The following UBE2W variants were observed in gnomAD, a reference collection of about 807,000 sequenced individuals.
UBE2W encodes ubiquitin conjugating enzyme E2 W.
A neutral mutation model predicts 27.2 loss-of-function variants in UBE2W; 18 were observed. The observed-to-expected ratio is 0.66, with a 90% CI of 0.46 to 0.98. UBE2W has a LOEUF of 0.98. UBE2W is among the 50% of genes least tolerant of loss of function. The pLI is 0.00. For missense variants in UBE2W, 90 were observed against 180.2 expected (o/e 0.50, Z 2.87); for synonymous variants, 53 against 57.2 (o/e 0.93, Z 0.33).
At chr8:73,805,137 A>G (rs1328302909) in intron 5 of UBE2W, among the ~76,000 whole-genome samples, 15 of 151,840 alleles carry the variant, frequency 9.9e-5, no homozygotes, top group Admixed American at 9.9e-4. Flanking sequence ...TATGATGGCT[A>G]TGATTTTGTT....
intron 1 of UBE2W, among the ~76,000 whole-genome samples, chr8:73,843,548 A>G (rs755039879): frequency 1.1e-4 from 16 of 152,074 alleles, no homozygotes; most frequent in Non-Finnish European, 2.1e-4. Flanking sequence ...AGGGGGAAAG[A>G]TTTCTTGAGC....
At chr8:73,818,636 T>C (rs1226250658) in intron 3 of UBE2W, among the ~76,000 whole-genome samples, 1 of 152,202 alleles carries the variant, frequency 6.6e-6, no homozygotes, top group Non-Finnish European at 1.5e-5. Context: ...CATGTTGAAA[T>C]GTAACCCCCA....
At chr8:73,872,978 T>G (rs954682420) in intron 1 of UBE2W, among the ~76,000 whole-genome samples, 1 of 151,462 alleles carries the variant, frequency 6.6e-6, no homozygotes, top group African/African-American at 2.4e-5. Context: ...CTCCGCTCAC[T>G]GCAAGGCGCC....
chr8:73,834,974 C>T (rs780600098), intron 1 of UBE2W, among the ~76,000 whole-genome samples: 18 of 152,078 alleles, frequency 1.2e-4, no homozygotes, highest in Non-Finnish European at 2.1e-4. Context: ...GATAATAGAA[C>T]CCTTTGTAGA....
At chr8:73,869,526 A>G (rs928319179) in intron 1 of UBE2W, among the ~76,000 whole-genome samples, 3 of 152,218 alleles carry the variant, frequency 2.0e-5, no homozygotes, top group Non-Finnish European at 4.4e-5. Flanking sequence ...CCCCGTCTCT[A>G]CTAAAAATAC....
downstream of UBE2W, among the ~76,000 whole-genome samples, chr8:73,783,975 T>C (rs966613800): frequency 1.1e-4 from 16 of 152,036 alleles, no homozygotes; most frequent in African/African-American, 3.6e-4. Context: ...GATCTCAAAC[T>C]CCACACCTCA....
chr8:73,842,528 CAA>C (rs759063478), intron 1 of UBE2W, among the ~76,000 whole-genome samples: 9 of 9,666 alleles, frequency 9.3e-4, no homozygotes, highest in South Asian at 0.011. Context: ...GACTCCGTCT[CAA>C]AAAAAAAAAA....
intron 1 of UBE2W, among the ~76,000 whole-genome samples, chr8:73,852,826 C>T (rs1811132491): frequency 6.6e-6 from 1 of 152,178 alleles, no homozygotes; most frequent in African/African-American, 2.4e-5. Context: ...AATTGAACTA[C>T]AAATCTCACG....
At chr8:73,781,929 C>CTTTTT (rs71269945), downstream of UBE2W, among the ~76,000 whole-genome samples, 13 of 96,012 alleles carry the variant, frequency 1.4e-4, no homozygotes, top group African/African-American at 5.0e-4. Context: ...TAAAAGCCTC[C>CTTTTT]TTTTTTTTTT....
intron 3 of UBE2W, among the ~76,000 whole-genome samples, chr8:73,811,697 A>T (rs1809160872): frequency 6.6e-6 from 1 of 152,160 alleles, no homozygotes; most frequent in Admixed American, 6.5e-5. Flanking sequence ...ATAAACCAAC[A>T]ATTCCTAAAT....
Position 73,874,086 on chromosome 8 carries a change from T to A in UBE2W, c.15+4722A>T, listed in dbSNP as rs142949736. On this transcript the variant is annotated intron_variant, in intron 1 of 5. Transcript: ENST00000602593. ...AAAATCAGAAATTATATCCAGGAGG[T>A]CAAGTACTTCATAACATTAAATAAT... is the stretch of plus-strand genomic sequence containing the variant. 9.7e-3 allele frequency among the ~76,000 whole-genome samples: 1,471 copies of A among 152,154 alleles called. 4 individuals are homozygous for A. The highest frequency in any genetic ancestry group is 0.013 in the Non-Finnish European group (892 of 68,010).
In UBE2W at chr8:73,791,385, A is replaced by C; in HGVS notation, c.*2717T>G. 2 of 983,900 alleles carry C rather than the reference A, an allele frequency of 2.0e-6. No individual in the cohort carries two copies. The highest frequency in any genetic ancestry group is 2.4e-6 in the Non-Finnish European group (2 of 828,606). The allele number at this position is 983,900 out of a possible 1,614,324, so 60.9% of individuals were successfully genotyped here. A position where few individuals can be genotyped will look rare whatever the true frequency, so the allele number is the denominator to read the frequency against. On this transcript the variant is annotated 3_prime_UTR_variant, in exon 6 of 6. Transcript: ENST00000602593. ...CCAGAAGAATGGCCTAAAAATAAAT[A>C]AATAAATAAATAAAAGAAGAAGAGT...
Position 73,787,345 on chromosome 8 carries a change from CAG to C in UBE2W, c.*6755_*6756del, listed in dbSNP as rs1807997990. ...GTAAGAAATATAGGGAGGACATAAACAGAGTCACTTATCCAGGGTAGCTTAAA... is the reference window on the plus strand; with the variant it reads ...GTAAGAAATATAGGGAGGACATAAACAGTCACTTATCCAGGGTAGCTTAAA... On this transcript the variant is annotated 3_prime_UTR_variant, in exon 6 of 6. Coordinates refer to ENST00000602593, the MANE Select transcript of UBE2W (RefSeq NM_018299.6). The C allele has an allele frequency of 2.0e-6, 2 of 984,940 alleles. No individual in the cohort carries two copies. The highest frequency in any genetic ancestry group is 6.2e-5 in the Admixed American group (1 of 16,240). 61.0% of individuals were successfully genotyped at this position (984,940 alleles called of 1,614,324 possible). A position where few individuals can be genotyped will look rare whatever the true frequency, so the allele number is the denominator to read the frequency against.
intron 5 of UBE2W, among the ~76,000 whole-genome samples, chr8:73,799,916 T>C (rs1269640032): frequency 6.6e-6 from 1 of 152,216 alleles, no homozygotes; most frequent in Admixed American, 6.5e-5. Flanking sequence ...CTAGGTGTTA[T>C]ACTGGAACAA....
chr8:73,790,630 T>C lies in UBE2W; in HGVS notation c.*3472A>G, dbSNP rs1808150776. The C allele has an allele frequency of 1.0e-6, 1 of 984,952 alleles. No individual in the cohort carries two copies. Among genetic ancestry groups the C allele is most frequent in the African/African-American group, 1.7e-5 (1 of 57,246 alleles). 61.0% of individuals were successfully genotyped at this position (984,952 alleles called of 1,614,324 possible). Reference sequence around the variant, plus strand: ...TTAGAACTAGTGACACTGAATTCTTTATTTAAAAAAATTTTTGTAACACAC... The same window carrying C: ...TTAGAACTAGTGACACTGAATTCTTCATTTAAAAAAATTTTTGTAACACAC... On this transcript the variant is annotated 3_prime_UTR_variant, in exon 6 of 6. Transcript: ENST00000602593.
chr8:73,816,581 C>T (rs912492507), intron 3 of UBE2W, among the ~76,000 whole-genome samples: 1 of 152,150 alleles, frequency 6.6e-6, no homozygotes, highest in Non-Finnish European at 1.5e-5. Flanking sequence ...TGCCTCAGTA[C>T]TTTTAAAGCT....
intron 1 of UBE2W, among the ~76,000 whole-genome samples, chr8:73,877,080 C>T (rs1022770098): frequency 2.0e-5 from 3 of 152,238 alleles, no homozygotes; most frequent in African/African-American, 7.2e-5. Flanking sequence ...ACACTACGTT[C>T]TCTTGTCAAA....
chr8:73,794,220 A>G (rs759572568), intron 5 of UBE2W, 105 bp from the exon 6 acceptor site: 224 of 1,381,306 alleles, frequency 1.6e-4, no homozygotes, highest in Non-Finnish European at 2.0e-4. Flanking sequence ...AGAAGTACAT[A>G]GTTTACATGT....
intron 5 of UBE2W, among the ~76,000 whole-genome samples, chr8:73,799,405 CT>C: frequency 6.6e-6 from 1 of 152,244 alleles, no homozygotes; most frequent in East Asian, 1.9e-4. Flanking sequence ...GCTCTAACCC[CT>C]GAGCTATGGA....
Sources: gnomAD v4.1 joint callset for allele counts (sites outside exome capture counted in the v4.1 genomes callset) on GRCh38, gnomAD v4.1.1 for gene constraint, MANE v1.5 for transcripts, NCBI Gene and HGNC (gene_info 2026-07-23, HGNC 2026-07-21) for gene names.